Variants in SPEF2 observed in about 807,000 individuals in gnomAD.
The protein encoded by SPEF2 is sperm flagella and cilia-associated protein 2.
A neutral mutation model predicts 224.6 loss-of-function variants in SPEF2; 187 were observed. The ratio of observed to expected loss-of-function variants is 0.83; its 90% CI spans 0.74 to 0.94. SPEF2 has a LOEUF of 0.94. Ranked by LOEUF, SPEF2 falls within the 40% of genes least tolerant of loss-of-function variation. SPEF2 has a pLI of 0.00. For synonymous variants in SPEF2, 715 were observed against 707.3 expected (o/e 1.01, Z -0.17); for missense variants, 2,170 against 2,135.6 (o/e 1.02, Z -0.32).
chr5:35,805,595 G>A (rs1260992475), intron 34 of SPEF2, among the ~76,000 whole-genome samples: 2 of 151,962 alleles, frequency 1.3e-5, no homozygotes, highest in East Asian at 1.9e-4. Context: ...TTCTTTCTTG[G>A]CAAATTATCA....
intron 21 of SPEF2, among the ~76,000 whole-genome samples, chr5:35,734,504 G>A (rs1329790427): frequency 2.0e-5 from 3 of 148,202 alleles, no homozygotes; most frequent in Non-Finnish European, 4.5e-5. Flanking sequence ...GGAAGTTTAC[G>A]AATTTATATT....
chr5:35,637,026 A>G (rs1446996352), intron 2 of SPEF2, among the ~76,000 whole-genome samples: 1 of 151,936 alleles, frequency 6.6e-6, no homozygotes, highest in African/African-American at 2.4e-5. Flanking sequence ...AACACTCTGA[A>G]GACAGGACTT....
chr5:35,672,718 T>TATG (rs1278004541), intron 10 of SPEF2, among the ~76,000 whole-genome samples: 40 of 152,188 alleles, frequency 2.6e-4, no homozygotes, highest in Admixed American at 2.0e-3. Context: ...TAATGAACAT[T>TATG]ATGTTCAAGC....
At chr5:35,759,019 A>AAAAAAG (rs1352890316) in intron 24 of SPEF2, among the ~76,000 whole-genome samples, 1 of 150,616 alleles carries the variant, frequency 6.6e-6, no homozygotes, top group African/African-American at 2.4e-5. Flanking sequence ...AAAAAAAAAA[A>AAAAAAG]AAAAAAAAGT....
At chr5:35,677,636 A>T (rs73080293) in intron 10 of SPEF2, among the ~76,000 whole-genome samples, 2,318 of 152,306 alleles carry the variant, frequency 0.015, 63 homozygotes, top group African/African-American at 0.053. Flanking sequence ...TGGAACAAGG[A>T]GTAGGAACCT....
Position 35,691,234 on chromosome 5 carries a change from C to T in SPEF2, c.1722C>T (p.Thr574=). The T allele has an allele frequency of 6.2e-7, 1 of 1,613,848 alleles. No homozygotes were observed. Among genetic ancestry groups the T allele is most frequent in the Non-Finnish European group, 8.5e-7 (1 of 1,179,844 alleles). The change falls in exon 11 of 37, where the codon ACC becomes ACT. Residue 574 remains threonine (T), a synonymous_variant. Coordinates refer to ENST00000356031, the MANE Select transcript of SPEF2 (RefSeq NM_024867.4). ...LLGKTLSGKT[T]ILRSLQKDFP... The stretch of plus-strand genomic sequence containing the variant: ...GGAAAACATTAAGTGGAAAAACTAC[C>T]ATTTTAAGGTCTCTACAAAAAGGTA...
At chr5:35,763,410 T>C (rs1751618599) in intron 25 of SPEF2, 112 bp from the exon 26 acceptor site, 1 of 999,942 alleles carries the variant, frequency 1.0e-6, no homozygotes, top group Admixed American at 3.5e-5. Flanking sequence ...CAGGAAAACT[T>C]TGAAAATTGA....
chr5:35,727,713 G>C lies in SPEF2; in HGVS notation c.2953G>C (p.Val985Leu), dbSNP rs762325932. The stretch of plus-strand genomic sequence containing the variant: ...AAAATCATCAGGAGGAAAAGTACCA[G>C]TAAAGAAATCACCTGCTGACTCTAC... ...KGKSSGGKVPVKKSPADSTDT... is the reference protein window; with the variant it reads ...KGKSSGGKVPLKKSPADSTDT... Residue 985 changes from valine to leucine, a missense_variant, in exon 21 of 37, where the codon GTA becomes CTA. Val to Leu is a conservative substitution (Grantham distance 32). Coordinates refer to ENST00000356031, the MANE Select transcript of SPEF2 (RefSeq NM_024867.4). 7 of 1,613,696 alleles carry C rather than the reference G, an allele frequency of 4.3e-6. No individual in the cohort carries two copies. The East Asian group carries it at 1.6e-4, about 36-fold the overall frequency.
intron 36 of SPEF2, chr5:35,807,647 C>A: frequency 6.5e-7 from 1 of 1,535,786 alleles, no homozygotes; most frequent in African/African-American, 1.4e-5. Context: ...AGGTACACAT[C>A]ATCTATGTAG....
At chr5:35,657,379 T>G (rs183032650) in intron 7 of SPEF2, among the ~76,000 whole-genome samples, 202 of 152,240 alleles carry the variant, frequency 1.3e-3, no homozygotes, top group African/African-American at 4.6e-3. Flanking sequence ...AAAATCAATT[T>G]GACTTTTTAG....
At chr5:35,733,058 C>CT (rs1413539760) in intron 21 of SPEF2, among the ~76,000 whole-genome samples, 2 of 152,084 alleles carry the variant, frequency 1.3e-5, no homozygotes, top group Non-Finnish European at 2.9e-5. Flanking sequence ...ATATCCCCCC[C>CT]TGACAAATGG....
chr5:35,762,635 G>T (rs1751469384), intron 25 of SPEF2, among the ~76,000 whole-genome samples: 1 of 152,094 alleles, frequency 6.6e-6, no homozygotes. Context: ...TCCTCCTCTA[G>T]TTTCAACAGA....
chr5:35,647,452 A>G (rs1210553661), intron 5 of SPEF2, among the ~76,000 whole-genome samples: 3 of 152,116 alleles, frequency 2.0e-5, no homozygotes, highest in Non-Finnish European at 4.4e-5. Flanking sequence ...AGGGAAAAAG[A>G]GAGTGAGAGA....
At chr5:35,699,844 T>C (rs1488685128) in intron 15 of SPEF2, 4 of 152,340 alleles carry the variant, frequency 2.6e-5, no homozygotes, top group African/African-American at 9.7e-5. Flanking sequence ...TGGTTCAAAA[T>C]TGTAAGAGAT....
chr5:35,654,091 T>C (rs1748609744), intron 6 of SPEF2, among the ~76,000 whole-genome samples: 1 of 151,052 alleles, frequency 6.6e-6, no homozygotes, highest in Non-Finnish European at 1.5e-5. Context: ...TGAAACCCTG[T>C]CTCTACTAAA....
intron 1 of SPEF2, among the ~76,000 whole-genome samples, chr5:35,624,510 A>G (rs1157442872): frequency 1.2e-4 from 19 of 152,212 alleles, no homozygotes; most frequent in Non-Finnish European, 4.4e-5. Context: ...ATTTGTGGGA[A>G]GAAGAACATG....
intron 30 of SPEF2, chr5:35,788,347 C>T: frequency 1.4e-6 from 1 of 702,878 alleles, no homozygotes; most frequent in South Asian, 1.5e-5. Flanking sequence ...TTGATATTGG[C>T]CCAGTATTCA....
chr5:35,812,798 T>TA (rs1408883302), intron 36 of SPEF2, among the ~76,000 whole-genome samples: 2 of 152,204 alleles, frequency 1.3e-5, no homozygotes, highest in Non-Finnish European at 2.9e-5. Context: ...TACATTAGGA[T>TA]AACATACCTA....
Position 35,691,176 on chromosome 5 carries a change from T to TA in SPEF2, c.1665dup (p.Pro556ThrfsTer6). On this transcript the variant is annotated frameshift_variant, in exon 11 of 37. Coordinates refer to ENST00000356031, the MANE Select transcript of SPEF2 (RefSeq NM_024867.4). LOFTEE classifies it high-confidence loss of function. ...CGAGCGGAATCAACAACACCTGAAT[T>TA]ACCTTCATTTGCTGTTAAAGGATGC... 6.2e-7 allele frequency: 1 copy of TA among 1,614,078 alleles called. No individual in the cohort carries two copies. Among genetic ancestry groups the TA allele is most frequent in the South Asian group, 1.1e-5 (1 of 91,086 alleles).
Sources: gnomAD v4.1 joint callset for allele counts (sites outside exome capture counted in the v4.1 genomes callset) on GRCh38, gnomAD v4.1.1 for gene constraint, MANE v1.5 for transcripts, NCBI Gene and HGNC (gene_info 2026-07-23, HGNC 2026-07-21) for gene names.